MECR: variants seen among roughly 807,000 people sequenced by gnomAD.
The protein encoded by MECR is mitochondrial trans-2-enoyl-CoA reductase.
In MECR, 37 loss-of-function variants were observed where a neutral mutation model predicts 49.1. The ratio of observed to expected loss-of-function variants is 0.75; its 90% CI spans 0.58 to 0.99. The LOEUF is 0.99. Ranked by LOEUF, MECR falls within the 50% of genes least tolerant of loss-of-function variation. The probability of loss-of-function intolerance (pLI) is 0.00; values close to 1 mark genes in which losing one functional copy is unlikely to be tolerated. For synonymous variants in MECR, 198 were observed against 191.1 expected (o/e 1.04, Z -0.30); for missense variants, 470 against 479.6 (o/e 0.98, Z 0.19).
chr1:29,176,026 G>A, the MECR span, among the ~76,000 whole-genome samples: 5 of 152,166 alleles, frequency 3.3e-5, no homozygotes, highest in Admixed American at 6.5e-5. Context: ...GCCGAGGCAG[G>A]TGGATCATGA....
At chr1:29,188,059 C>T (rs900937625), downstream of MECR, among the ~76,000 whole-genome samples, 3 of 106,046 alleles carry the variant, frequency 2.8e-5, 1 homozygote, top group Admixed American at 1.9e-4. Flanking sequence ...AAAAAAAAGA[C>T]GCACACCACC....
intron 3 of MECR, among the ~76,000 whole-genome samples, chr1:29,213,563 G>C (rs1301517352): frequency 6.6e-6 from 1 of 152,254 alleles, no homozygotes; most frequent in Non-Finnish European, 1.5e-5. Flanking sequence ...CTGGTTCAGG[G>C]ATGGGCAAGG....
At chr1:29,228,541 A>G (rs2003420) in intron 1 of MECR, among the ~76,000 whole-genome samples, 17,743 of 152,040 alleles carry the variant, frequency 0.12, 1,392 homozygotes, top group East Asian at 0.41. Context: ...TAGTAGAGAC[A>G]GGGTTTCGCC....
Position 29,202,015 on chromosome 1 carries a change from C to T in MECR, c.684G>A (p.Leu228=). Residue 228 remains leucine, a synonymous_variant, in exon 6 of 10, where the codon CTG becomes CTA. Transcript: ENST00000263702. ...TGACATGCTCAGCCCCCAGACTCTT[C>T]AGTCTGTCACTCAGCTTCTGGATAT... ...RPDIQKLSDR[L]KSLGAEHVIT... is the part of the protein sequence containing the mutation. 4 of 1,614,172 alleles carry T rather than the reference C, an allele frequency of 2.5e-6. No homozygotes were observed. Among genetic ancestry groups the T allele is most frequent in the Non-Finnish European group, 3.4e-6 (4 of 1,180,016 alleles).
intron 3 of MECR, among the ~76,000 whole-genome samples, chr1:29,215,145 C>T (rs1679056416): frequency 6.6e-6 from 1 of 152,208 alleles, no homozygotes; most frequent in African/African-American, 2.4e-5. Context: ...GGCCTTCTTT[C>T]TCACTCGTGC....
chr1:29,189,433 G>A (rs1055144913), downstream of MECR, among the ~76,000 whole-genome samples: 7 of 150,988 alleles, frequency 4.6e-5, no homozygotes, highest in Non-Finnish European at 7.4e-5. Flanking sequence ...GGCTGGTCTC[G>A]AACTCCTGGG....
At chr1:29,194,300 G>T in intron 9 of MECR, 121 bp from the exon 10 acceptor site, 1 of 1,151,910 alleles carries the variant, frequency 8.7e-7, no homozygotes, top group Non-Finnish European at 1.2e-6. Flanking sequence ...TGAGAGTCCT[G>T]GCTGTGCCAA....
chr1:29,184,873 C>G, the MECR span, among the ~76,000 whole-genome samples: 27 of 152,174 alleles, frequency 1.8e-4, 1 homozygote, highest in Non-Finnish European at 1.0e-4. Context: ...ACCTGTAATC[C>G]CAGCACTTTG....
At chr1:29,203,337 C>A in intron 4 of MECR, 104 bp from the exon 5 acceptor site, 1 of 804,336 alleles carries the variant, frequency 1.2e-6, no homozygotes, top group South Asian at 1.8e-5. Context: ...TCCTCAGGCT[C>A]AACAGGGACC....
intron 1 of MECR, among the ~76,000 whole-genome samples, chr1:29,228,278 T>G (rs1682608048): frequency 6.7e-6 from 1 of 149,972 alleles, no homozygotes; most frequent in Admixed American, 6.6e-5. Flanking sequence ...TGTGGGCAAA[T>G]ACAAAAAATA....
At chr1:29,228,502 C>T (rs904121681) in intron 1 of MECR, among the ~76,000 whole-genome samples, 1 of 151,944 alleles carries the variant, frequency 6.6e-6, no homozygotes, top group Non-Finnish European at 1.5e-5. Flanking sequence ...CAGGCTTGCA[C>T]CCCCATGCCC....
At chr1:29,173,945 T>C in the MECR span, among the ~76,000 whole-genome samples, 1 of 151,354 alleles carries the variant, frequency 6.6e-6, no homozygotes, top group East Asian at 2.0e-4. Context: ...TCCCAGCACT[T>C]TGGGAGGATG....
At chr1:29,192,474 G>C (rs1212437309), downstream of MECR, among the ~76,000 whole-genome samples, 2 of 152,138 alleles carry the variant, frequency 1.3e-5, no homozygotes, top group East Asian at 3.9e-4. Context: ...CTCCATGTCA[G>C]TGACCTCATC....
At chr1:29,223,029 T>C in intron 1 of MECR, 4 of 947,642 alleles carry the variant, frequency 4.2e-6, no homozygotes, top group Non-Finnish European at 5.0e-6. Flanking sequence ...TTCCCTGTTC[T>C]TTAAAAAAAC....
At chr1:29,206,013 C>A (rs1016051587) in intron 4 of MECR, among the ~76,000 whole-genome samples, 2 of 152,206 alleles carry the variant, frequency 1.3e-5, no homozygotes, top group Non-Finnish European at 1.5e-5. Context: ...TCATTTACTC[C>A]CTGGCTGATC....
intron 1 of MECR, among the ~76,000 whole-genome samples, chr1:29,222,898 C>T (rs1310634428): frequency 1.3e-5 from 2 of 152,224 alleles, no homozygotes; most frequent in African/African-American, 4.8e-5. Flanking sequence ...ACAGACACTG[C>T]TGTTCCTGCA....
rs555663140 is a variant in MECR at position 29,217,952 on chromosome 1, T to A, written c.177-1267A>T. Among the ~76,000 whole-genome samples the A allele has an allele frequency of 5.9e-5, 9 of 152,302 alleles. No individual in the cohort carries two copies. In the South Asian group the frequency reaches 1.9e-3, roughly 32 times the overall value. Reference sequence around the variant, plus strand: ...GGTGGAGGGCTGAAGGTCCTGGGTATAAAGCTCCACTGCAGGATGCCTGGG... The same window carrying A: ...GGTGGAGGGCTGAAGGTCCTGGGTAAAAAGCTCCACTGCAGGATGCCTGGG... On this transcript the variant is annotated intron_variant, in intron 1 of 9. Coordinates refer to ENST00000263702, the MANE Select transcript of MECR (RefSeq NM_016011.5).
chr1:29,181,939 C>T, the MECR span: 3 of 419,272 alleles, frequency 7.2e-6, no homozygotes, highest in Non-Finnish European at 1.2e-5. Flanking sequence ...CCGCCCTTCC[C>T]CGAGGCGGAA....
At chr1:29,191,592 A>G (rs1422317109), downstream of MECR, among the ~76,000 whole-genome samples, 1 of 152,158 alleles carries the variant, frequency 6.6e-6, no homozygotes, top group African/African-American at 2.4e-5. Flanking sequence ...TCATCTGTAC[A>G]ATCACTTGTC....
Sources: gnomAD v4.1 joint callset for allele counts (sites outside exome capture counted in the v4.1 genomes callset) on GRCh38, gnomAD v4.1.1 for gene constraint, MANE v1.5 for transcripts, NCBI Gene and HGNC (gene_info 2026-07-23, HGNC 2026-07-21) for gene names.